The following DESI2 variants were observed in gnomAD, a reference collection of about 807,000 sequenced individuals.
DESI2 encodes desumoylating isopeptidase 2.
DESI2 carries 10 observed loss-of-function variants against 24.1 expected under a neutral mutation model. The ratio of observed to expected loss-of-function variants is 0.41; its 90% CI spans 0.26 to 0.70. The LOEUF is 0.70. Ranked by LOEUF, DESI2 falls within the 30% of genes least tolerant of loss-of-function variation. DESI2 has a pLI of 0.29. For missense variants in DESI2, 122 were observed against 234.9 expected (o/e 0.52, Z 3.14); for synonymous variants, 71 against 87.7 (o/e 0.81, Z 1.06).
At chr1:244,664,996 T>TAA (rs982269847) in intron 1 of DESI2, among the ~76,000 whole-genome samples, 4 of 152,178 alleles carry the variant, frequency 2.6e-5, no homozygotes, top group African/African-American at 9.6e-5. Context: ...TGGCACATAC[T>TAA]ATGTTTATGT....
chr1:244,677,617 G>A (rs1330017397), intron 1 of DESI2, among the ~76,000 whole-genome samples: 2 of 152,106 alleles, frequency 1.3e-5, no homozygotes, highest in East Asian at 3.9e-4. Flanking sequence ...AAAAATAACA[G>A]TAATGAGTCT....
chr1:244,680,029 T>TC (rs1260499686), intron 1 of DESI2, among the ~76,000 whole-genome samples: 1 of 46,646 alleles, frequency 2.1e-5, no homozygotes, highest in African/African-American at 5.2e-5. Flanking sequence ...CCTTTTTTTT[T>TC]TTTTTTTAAA....
chr1:244,702,388 C>T (rs1340399895), intron 4 of DESI2, among the ~76,000 whole-genome samples: 1 of 152,160 alleles, frequency 6.6e-6, no homozygotes, highest in African/African-American at 2.4e-5. Context: ...GTGGTGCATG[C>T]CTATGATCCC....
chr1:244,659,713 T>A (rs572902675), intron 1 of DESI2, among the ~76,000 whole-genome samples: 3 of 152,336 alleles, frequency 2.0e-5, no homozygotes, highest in East Asian at 3.9e-4. Context: ...TTCCTGATAT[T>A]GAGGTCCATA....
At chr1:244,668,961 T>G (rs527354051) in intron 1 of DESI2, among the ~76,000 whole-genome samples, 1 of 152,300 alleles carries the variant, frequency 6.6e-6, no homozygotes, top group South Asian at 2.1e-4. Flanking sequence ...CTCTTCCCTT[T>G]TATCATATTA....
intron 1 of DESI2, chr1:244,653,600 A>C: frequency 3.8e-6 from 2 of 521,396 alleles, no homozygotes; most frequent in African/African-American, 2.0e-5. Flanking sequence ...AACCTCTCCC[A>C]TCCGCTCAGC....
chr1:244,663,378 A>G (rs898550255), intron 1 of DESI2, among the ~76,000 whole-genome samples: 153 of 151,972 alleles, frequency 1.0e-3, no homozygotes, highest in African/African-American at 3.1e-3. Context: ...GGGTTTCACC[A>G]TGTTAGCCAG....
chr1:244,673,407 A>G (rs12743033), intron 1 of DESI2, among the ~76,000 whole-genome samples: 61,976 of 152,164 alleles, frequency 0.41, 14,401 homozygotes, highest in Non-Finnish European at 0.52. Flanking sequence ...GCTACTGTTC[A>G]TATGTGAAGT....
At chr1:244,677,693 T>C (rs1023608897) in intron 1 of DESI2, among the ~76,000 whole-genome samples, 1 of 152,088 alleles carries the variant, frequency 6.6e-6, no homozygotes, top group Admixed American at 6.6e-5. Flanking sequence ...GGTGGGAGGA[T>C]TGCTTGAGGC....
rs151174407 is a variant in DESI2, at chr1:244,696,292, C to G, written c.351+4272C>G. Among the ~76,000 whole-genome samples the G allele has an allele frequency of 3.2e-3, 481 of 152,302 alleles. 3 individuals are homozygous for G. Among genetic ancestry groups the G allele is most frequent in the African/African-American group, 0.011 (458 of 41,562 alleles). Reference sequence around the variant, plus strand: ...TTGAATCCAAATCTAAACAAAAGTTCATACAGCTGGTCACCCTGAGATACA... The same window carrying G: ...TTGAATCCAAATCTAAACAAAAGTTGATACAGCTGGTCACCCTGAGATACA... On this transcript the variant is annotated intron_variant, in intron 4 of 4. Transcript: ENST00000302550.
chr1:244,694,508 G>C, intron 4 of DESI2: 1 of 771,468 alleles, frequency 1.3e-6, no homozygotes, highest in East Asian at 2.5e-5. Context: ...GCCTGAATCT[G>C]CGGTCTACAA....
intron 1 of DESI2, among the ~76,000 whole-genome samples, chr1:244,657,037 T>C (rs1200124568): frequency 1.3e-5 from 2 of 152,212 alleles, no homozygotes; most frequent in Non-Finnish European, 2.9e-5. Flanking sequence ...CGTCCCAAAG[T>C]TCTGGGATTA....
intron 4 of DESI2, among the ~76,000 whole-genome samples, chr1:244,696,569 A>C (rs903511259): frequency 6.6e-6 from 1 of 152,320 alleles, no homozygotes; most frequent in Middle Eastern, 3.4e-3. Flanking sequence ...GCAGTGAACC[A>C]AGATGGTACC....
intron 1 of DESI2, among the ~76,000 whole-genome samples, chr1:244,657,580 C>A (rs542462909): frequency 6.6e-6 from 1 of 152,338 alleles, no homozygotes; most frequent in African/African-American, 2.4e-5. Flanking sequence ...GCTTGAGAGT[C>A]AGTGGCTTAA....
chr1:244,698,149 A>G (rs967988647), intron 4 of DESI2, among the ~76,000 whole-genome samples: 2 of 152,220 alleles, frequency 1.3e-5, no homozygotes, highest in African/African-American at 4.8e-5. Flanking sequence ...TTATGCTTGT[A>G]ATGTCGCAGA....
At chr1:244,680,631 TA>T (rs1466809375) in intron 1 of DESI2, among the ~76,000 whole-genome samples, 1 of 152,218 alleles carries the variant, frequency 6.6e-6, no homozygotes, top group African/African-American at 2.4e-5. Flanking sequence ...TTCAATCACT[TA>T]GTATTGATAA....
chr1:244,663,173 T>C (rs1337144909), intron 1 of DESI2, among the ~76,000 whole-genome samples: 1 of 152,076 alleles, frequency 6.6e-6, no homozygotes, highest in East Asian at 1.9e-4. Flanking sequence ...AAGCCTGGTT[T>C]AACTTGCAGT....
chr1:244,683,591 G>C (rs541525720), intron 1 of DESI2, among the ~76,000 whole-genome samples: 1 of 152,122 alleles, frequency 6.6e-6, no homozygotes, highest in Non-Finnish European at 1.5e-5. Context: ...GATTACAGGC[G>C]TGAGCCACCG....
chr1:244,659,740 C>T (rs983550474), intron 1 of DESI2, among the ~76,000 whole-genome samples: 1 of 152,212 alleles, frequency 6.6e-6, no homozygotes, highest in Admixed American at 6.5e-5. Context: ...ATGACATCTG[C>T]AAAGTCTCTT....
Sources: gnomAD v4.1 joint callset for allele counts (sites outside exome capture counted in the v4.1 genomes callset) on GRCh38, gnomAD v4.1.1 for gene constraint, MANE v1.5 for transcripts, NCBI Gene and HGNC (gene_info 2026-07-23, HGNC 2026-07-21) for gene names.